The following FGF12 variants were observed in gnomAD, a reference collection of about 807,000 sequenced individuals.
The protein encoded by FGF12 is fibroblast growth factor 12B.
In FGF12, 14 loss-of-function variants were observed where a neutral mutation model predicts 23.6. The observed-to-expected ratio is 0.59, with a 90% CI of 0.39 to 0.93. The LOEUF (loss-of-function observed/expected upper bound fraction) is 0.93. Ranked by LOEUF, FGF12 falls within the 40% of genes least tolerant of loss-of-function variation. The pLI, the probability that FGF12 is intolerant of heterozygous loss-of-function variation, is 0.00. For synonymous variants in FGF12, 62 were observed against 77.3 expected, an observed-to-expected ratio of 0.80 and a Z score of 1.04; for missense variants, 175 against 217.8, an observed-to-expected ratio of 0.80 and a Z score of 1.24.
chr3:192,219,223 T>C (rs1375392237), intron 4 of FGF12, among the ~76,000 whole-genome samples: 1 of 152,154 alleles, frequency 6.6e-6, no homozygotes, highest in Non-Finnish European at 1.5e-5. Flanking sequence ...TAGCTAGGAC[T>C]ACAGGCACTT....
chr3:192,307,397 G>A (rs1212181977), intron 4 of FGF12, among the ~76,000 whole-genome samples: 3 of 152,176 alleles, frequency 2.0e-5, no homozygotes, highest in African/African-American at 4.8e-5. Flanking sequence ...TAGCAGCAAC[G>A]ACAGGATGCT....
intron 4 of FGF12, among the ~76,000 whole-genome samples, chr3:192,312,052 T>A (rs1715976946): frequency 6.6e-6 from 1 of 152,178 alleles, no homozygotes; most frequent in South Asian, 2.1e-4. Flanking sequence ...GTTCTTTATA[T>A]ATTCTAGATA....
intron 4 of FGF12, among the ~76,000 whole-genome samples, chr3:192,183,220 C>G (rs1250372801): frequency 6.6e-6 from 1 of 151,854 alleles, no homozygotes; most frequent in Non-Finnish European, 1.5e-5. Context: ...AAAGAAGCCC[C>G]AACAACATGA....
In FGF12 at chr3:192,143,280, G is replaced by A. The variant is rs535245773; in HGVS notation, c.*729C>T. On this transcript the variant is annotated 3_prime_UTR_variant, in exon 6 of 6. Transcript: ENST00000445105. Reference sequence around the variant, plus strand: ...CGGAAATAATATCTTTGATAAAAATGTTATACTCTAGGATAATTTGAAATC... The same window carrying A: ...CGGAAATAATATCTTTGATAAAAATATTATACTCTAGGATAATTTGAAATC... The A allele has an allele frequency of 6.7e-6, 1 of 149,786 alleles. No individual in the cohort carries two copies. Among genetic ancestry groups the A allele is most frequent in the Non-Finnish European group, 1.5e-5 (1 of 67,586 alleles). 9.3% of individuals were successfully genotyped at this position (149,786 alleles called of 1,614,324 possible).
intron 2 of FGF12, among the ~76,000 whole-genome samples, chr3:192,442,808 C>CTTT (rs764710938): frequency 1.4e-5 from 2 of 139,764 alleles, no homozygotes; most frequent in African/African-American, 2.6e-5. Context: ...TGTATTCTAT[C>CTTT]TTTTTTTTTT....
intron 4 of FGF12, among the ~76,000 whole-genome samples, chr3:192,240,474 CA>C (rs781219668): frequency 4.6e-5 from 7 of 152,118 alleles, no homozygotes; most frequent in African/African-American, 9.7e-5. Context: ...AGAATGATAA[CA>C]TGCAACAATA....
chr3:192,621,426 C>A (rs1714970141), intron 2 of FGF12, among the ~76,000 whole-genome samples: 2 of 151,976 alleles, frequency 1.3e-5, no homozygotes, highest in South Asian at 4.1e-4. Flanking sequence ...GCTTTGAAGC[C>A]CGACAAGAGC....
At position 192,404,691 on chromosome 3, in the gene FGF12, T is replaced by C. The variant is rs535577771; in HGVS notation, c.14-44153A>G. Reference sequence around the variant, plus strand: ...CAGAAATGTTCTAAAGGCTTTTTCATGGTTCAATGACCTCATCCAACTTTC... The same window carrying C: ...CAGAAATGTTCTAAAGGCTTTTTCACGGTTCAATGACCTCATCCAACTTTC... On this transcript the variant is annotated intron_variant, in intron 2 of 5. Coordinates refer to ENST00000445105, the MANE Select transcript of FGF12 (RefSeq NM_004113.6). Among the ~76,000 whole-genome samples, 4 of 152,366 alleles carry C rather than the reference T, an allele frequency of 2.6e-5. No individual in the cohort carries two copies. In the South Asian group the frequency reaches 6.2e-4, roughly 24 times the overall value.
At chr3:192,226,215 G>A (rs1014635150) in intron 4 of FGF12, among the ~76,000 whole-genome samples, 3 of 152,192 alleles carry the variant, frequency 2.0e-5, no homozygotes, top group Middle Eastern at 3.4e-3. Flanking sequence ...TGAAGTCCTG[G>A]TATGCTTTTT....
intron 2 of FGF12, among the ~76,000 whole-genome samples, chr3:192,393,198 G>A (rs1006806364): frequency 6.6e-6 from 1 of 152,176 alleles, no homozygotes; most frequent in East Asian, 1.9e-4. Flanking sequence ...TACGTGTCAA[G>A]CAATATGCTA....
chr3:192,539,365 T>C (rs889058690), intron 2 of FGF12, among the ~76,000 whole-genome samples: 4 of 152,212 alleles, frequency 2.6e-5, no homozygotes, highest in African/African-American at 7.2e-5. Flanking sequence ...TGTTGAATTT[T>C]ATCAAATAAT....
At chr3:192,621,039 T>G (rs1214337646) in intron 2 of FGF12, among the ~76,000 whole-genome samples, 1 of 152,148 alleles carries the variant, frequency 6.6e-6, no homozygotes, top group East Asian at 1.9e-4. Flanking sequence ...CTATATGACT[T>G]GAAAATTTCA....
chr3:192,372,933 T>G (rs1719301800), intron 2 of FGF12, among the ~76,000 whole-genome samples: 1 of 152,206 alleles, frequency 6.6e-6, no homozygotes, highest in Non-Finnish European at 1.5e-5. Context: ...CCTCTTTCTA[T>G]TCAGACCTAG....
chr3:192,638,047 T>A (rs918825475), intron 2 of FGF12, among the ~76,000 whole-genome samples: 1 of 152,204 alleles, frequency 6.6e-6, no homozygotes, highest in African/African-American at 2.4e-5. Flanking sequence ...CAAGTGAGCC[T>A]TAAATGGCAT....
chr3:192,718,871 C>T (rs940605212), intron 2 of FGF12, among the ~76,000 whole-genome samples: 2 of 152,002 alleles, frequency 1.3e-5, no homozygotes, highest in South Asian at 2.1e-4. Context: ...TTATGATCAC[C>T]CTGTTTATTT....
rs959158007 is a variant in FGF12, at chr3:192,141,227, AATT to A, written c.*2779_*2781del. ...GAAATCAGAACAATGAAAATCAAAGAATTATTATACTTGAAATAAGCCTGAAAA... is the reference window on the plus strand; with the variant it reads ...GAAATCAGAACAATGAAAATCAAAGAATTATACTTGAAATAAGCCTGAAAA... On this transcript the variant is annotated 3_prime_UTR_variant, in exon 6 of 6. Transcript: ENST00000445105. 1 of 151,718 alleles carries A rather than the reference AATT, an allele frequency of 6.6e-6. No individual in the cohort carries two copies. Among genetic ancestry groups the A allele is most frequent in the African/African-American group, 2.4e-5 (1 of 41,398 alleles). The allele number at this position is 151,718 out of a possible 1,614,324, so 9.4% of individuals were successfully genotyped here.
At chr3:192,159,058 A>T (rs1463880405) in intron 5 of FGF12, among the ~76,000 whole-genome samples, 1 of 152,078 alleles carries the variant, frequency 6.6e-6, no homozygotes, top group Non-Finnish European at 1.5e-5. Flanking sequence ...GAACCCTACC[A>T]TGTAACTGTC....
rs558545392 is a variant in FGF12 at position 192,272,140 on chromosome 3, C to T, written c.228+63221G>A. Reference sequence around the variant, plus strand: ...CATTAAAAAATTAATGGCCCGAGTTCCTTGGAGTCATCTGAAAATTAAACA... The same window carrying T: ...CATTAAAAAATTAATGGCCCGAGTTTCTTGGAGTCATCTGAAAATTAAACA... On this transcript the variant is annotated intron_variant, in intron 4 of 5. Transcript: ENST00000445105. 8.4e-4 allele frequency among the ~76,000 whole-genome samples: 128 copies of T among 152,220 alleles called. 2 individuals carry two copies. The South Asian group carries it at 0.026, about 31-fold the overall frequency.
At chr3:192,707,989 T>TCG (rs978038690) in intron 2 of FGF12, among the ~76,000 whole-genome samples, 1 of 152,118 alleles carries the variant, frequency 6.6e-6, no homozygotes, top group Non-Finnish European at 1.5e-5. Context: ...AGACGGAGTC[T>TCG]CGCTCTGTCA....
Sources: allele counts gnomAD v4.1 joint callset (sites outside exome capture counted in the v4.1 genomes callset), GRCh38; gene constraint gnomAD v4.1.1; transcripts MANE v1.5; gene names NCBI Gene and HGNC (gene_info 2026-07-23, HGNC 2026-07-21).